Variants in RBFOX1 observed in about 807,000 individuals in gnomAD.
RBFOX1 encodes RNA binding fox-1 homolog 1.
Under a neutral mutation model 57.7 loss-of-function variants are expected in RBFOX1, and 8 were observed. The observed-to-expected ratio is 0.14, with a 90% CI of 0.08 to 0.25. The LOEUF is 0.25. RBFOX1 is among the 10% of genes least tolerant of loss of function. RBFOX1 has a pLI of 1.00. For synonymous variants in RBFOX1, 326 were observed against 222.4 expected (o/e 1.47, Z -4.15); for missense variants, 611 against 548.5 (o/e 1.11, Z -1.14).
chr16:5,296,812 G>T (rs1258502186), intron 1 of RBFOX1, among the ~76,000 whole-genome samples: 1 of 151,766 alleles, frequency 6.6e-6, no homozygotes, highest in Non-Finnish European at 1.5e-5. Context: ...CTTAGTAGCT[G>T]GGATTACAGG....
At chr16:5,287,885 G>C (rs1169851554) in intron 1 of RBFOX1, among the ~76,000 whole-genome samples, 3 of 152,178 alleles carry the variant, frequency 2.0e-5, no homozygotes, top group African/African-American at 7.2e-5. Context: ...TGGATGCAGG[G>C]AGGACTTGGA....
At chr16:5,251,837 G>C (rs2062460501) in intron 1 of RBFOX1, among the ~76,000 whole-genome samples, 1 of 151,872 alleles carries the variant, frequency 6.6e-6, no homozygotes, top group Non-Finnish European at 1.5e-5. Flanking sequence ...TAAATTAATA[G>C]CTTAATAAAA....
At chr16:5,761,442 C>T (rs1300051876) in intron 3 of RBFOX1, among the ~76,000 whole-genome samples, 1 of 152,192 alleles carries the variant, frequency 6.6e-6, no homozygotes, top group Non-Finnish European at 1.5e-5. Context: ...ATACCCAATA[C>T]TGGATACTTT....
chr16:6,759,507 G>C (rs913329228), intron 3 of RBFOX1, among the ~76,000 whole-genome samples: 1 of 139,722 alleles, frequency 7.2e-6, no homozygotes, highest in Non-Finnish European at 1.6e-5. Context: ...GTGTGTGTGT[G>C]TGTGTGTGTG....
At chr16:6,243,419 C>T (rs553820409) in intron 1 of RBFOX1, among the ~76,000 whole-genome samples, 72 of 152,262 alleles carry the variant, frequency 4.7e-4, no homozygotes, top group Non-Finnish European at 6.2e-4. Flanking sequence ...TATAAGTGCA[C>T]TTACAGTCAT....
chr16:7,148,487 A>G (rs916257103), intron 4 of RBFOX1, among the ~76,000 whole-genome samples: 5 of 152,190 alleles, frequency 3.3e-5, no homozygotes, highest in African/African-American at 7.2e-5. Context: ...GATCTTTTTC[A>G]CACGCCGGCA....
At chr16:7,128,258 T>C (rs1600338996) in intron 4 of RBFOX1, among the ~76,000 whole-genome samples, 2 of 152,358 alleles carry the variant, frequency 1.3e-5, no homozygotes, top group South Asian at 2.1e-4. Context: ...TGAACTCTGT[T>C]ATTTCCTTGA....
At chr16:7,081,226 G>A (rs1406224984) in intron 4 of RBFOX1, among the ~76,000 whole-genome samples, 5 of 152,184 alleles carry the variant, frequency 3.3e-5, no homozygotes, top group Non-Finnish European at 7.3e-5. Flanking sequence ...GTGGAGGCAG[G>A]GTTTCGCCAT....
chr16:6,073,969 G>A (rs754239716), intron 1 of RBFOX1, among the ~76,000 whole-genome samples: 2 of 152,008 alleles, frequency 1.3e-5, no homozygotes, highest in African/African-American at 4.8e-5. Context: ...CTTTTTCTGA[G>A]ACAGAGTCTC....
chr16:5,371,369 G>C lies in RBFOX1; in HGVS notation c.220-95847G>C, dbSNP rs181666356. Among the ~76,000 whole-genome samples the C allele has an allele frequency of 3.5e-3, 534 of 152,320 alleles. 1 individual carries two copies. The highest frequency in any genetic ancestry group is 0.012 in the African/African-American group (508 of 41,576). ...GGGTACACAGAGTGATGCCAGGGAT[G>C]CCGGAGAAGACCCTGGGAGGATACA... On this transcript the variant is annotated intron_variant, in intron 1 of 2. Coordinates refer to the RBFOX1 transcript ENST00000585867.
intron 3 of RBFOX1, among the ~76,000 whole-genome samples, chr16:6,985,812 C>T (rs528068550): frequency 3.7e-4 from 50 of 134,148 alleles, no homozygotes; most frequent in African/African-American, 1.5e-3. Context: ...CCGGCCTGGG[C>T]CACAGAGCGT....
intron 3 of RBFOX1, among the ~76,000 whole-genome samples, chr16:6,824,982 G>GTT (rs2091912007): frequency 5.2e-5 from 2 of 38,384 alleles, no homozygotes; most frequent in Non-Finnish European, 1.3e-4. Context: ...TTTCTTTCTT[G>GTT]GTTTTTTTTT....
chr16:5,394,734 A>G (rs2066503280), intron 1 of RBFOX1, among the ~76,000 whole-genome samples: 1 of 151,938 alleles, frequency 6.6e-6, no homozygotes, highest in Admixed American at 6.6e-5. Flanking sequence ...TTTTTTGTAG[A>G]AATGGGGTCT....
intron 3 of RBFOX1, among the ~76,000 whole-genome samples, chr16:5,699,618 T>C (rs1280188450): frequency 6.6e-6 from 1 of 152,082 alleles, no homozygotes; most frequent in Non-Finnish European, 1.5e-5. Context: ...TTGTCAGCTC[T>C]GGGTAGACAT....
intron 13 of RBFOX1, among the ~76,000 whole-genome samples, chr16:7,667,674 C>CGT (rs1555742825): frequency 9.3e-6 from 1 of 107,126 alleles, no homozygotes; most frequent in East Asian, 6.0e-4. Flanking sequence ...TAGATTTAAA[C>CGT]CTCTTTTTGT....
chr16:6,873,176 G>A (rs1425068903), intron 3 of RBFOX1, among the ~76,000 whole-genome samples: 1 of 150,686 alleles, frequency 6.6e-6, no homozygotes, highest in Non-Finnish European at 1.5e-5. Flanking sequence ...CCTGAAGCGT[G>A]AAGAAGGAAT....
rs572290578 is a variant in RBFOX1 at position 5,853,574 on chromosome 16, C to T, written c.319-13729C>T. 1.7e-3 allele frequency among the ~76,000 whole-genome samples: 256 copies of T among 152,296 alleles called. 1 individual carries two copies. The highest frequency in any genetic ancestry group is 4.8e-3 in the African/African-American group (200 of 41,572). On this transcript the variant is annotated intron_variant, in intron 3 of 19. Coordinates refer to the RBFOX1 transcript ENST00000641259. The stretch of plus-strand genomic sequence containing the variant: ...GACGGTTACATGCCTTTCTTTTTGT[C>T]TGTGGCAACAAGCATCCTTTCCTTG...
At chr16:7,421,071 A>C (rs1200246149) in intron 4 of RBFOX1, among the ~76,000 whole-genome samples, 2 of 151,956 alleles carry the variant, frequency 1.3e-5, no homozygotes, top group Non-Finnish European at 2.9e-5. Context: ...CTCATCTTGC[A>C]GTCTTGTGGC....
intron 4 of RBFOX1, among the ~76,000 whole-genome samples, chr16:7,231,490 A>T (rs1269308941): frequency 6.6e-6 from 1 of 152,174 alleles, no homozygotes; most frequent in Non-Finnish European, 1.5e-5. Context: ...TTCCTCGGGA[A>T]GTTAAGCATA....
Sources: allele counts gnomAD v4.1 joint callset (sites outside exome capture counted in the v4.1 genomes callset), GRCh38; gene constraint gnomAD v4.1.1; transcripts MANE v1.5; gene names NCBI Gene and HGNC (gene_info 2026-07-23, HGNC 2026-07-21).